The following MICAL3 variants were observed in gnomAD, a reference collection of about 807,000 sequenced individuals.
MICAL3 encodes the protein [F-actin]-monooxygenase MICAL3.
MICAL3 carries 62 observed loss-of-function variants against 207.4 expected under a neutral mutation model. That is an observed-to-expected ratio of 0.30 (90% CI 0.24 to 0.37). The LOEUF (loss-of-function observed/expected upper bound fraction) is 0.37. Among genes scored for constraint, MICAL3 ranks in the 10% least tolerant of loss-of-function variants. The pLI is 1.00. For synonymous variants in MICAL3, 1,077 were observed against 1,069.3 expected (o/e 1.01, Z -0.14); for missense variants, 2,368 against 2,635.6 (o/e 0.90, Z 2.22).
In MICAL3 at chr22:17,789,248, A is replaced by C. The variant is rs1418176385; in HGVS notation, c.*1484T>G. The C allele has an allele frequency of 6.6e-6, 1 of 152,288 alleles. No individual in the cohort carries two copies. Among genetic ancestry groups the C allele is most frequent in the Non-Finnish European group, 1.5e-5 (1 of 68,064 alleles). The allele number at this position is 152,288 out of a possible 1,614,324, so 9.4% of individuals were successfully genotyped here. On this transcript the variant is annotated 3_prime_UTR_variant, in exon 32 of 32. Transcript: ENST00000441493. The stretch of plus-strand genomic sequence containing the variant: ...CAGCCTGCATCCCAGCATCCACTGC[A>C]GCACTCGCGTTTCCGTCTGGGTGAA...
In MICAL3 at chr22:17,985,969, G is replaced by A. The variant is rs150776131; in HGVS notation, c.-75+38312C>T. ...TCGCCCAGGGTGGAGTGCAGTGGCA[G>A]CAATCTCGGCTCACTGAAACCTCCG... On this transcript the variant is annotated intron_variant, in intron 1 of 31. Coordinates refer to ENST00000441493, the MANE Select transcript of MICAL3 (RefSeq NM_015241.3). Among the ~76,000 whole-genome samples, 1,020 of 152,230 alleles carry A rather than the reference G, an allele frequency of 6.7e-3. 7 individuals are homozygous for A. The highest frequency in any genetic ancestry group is 0.024 in the African/African-American group (982 of 41,562).
chr22:17,947,510 C>T lies in MICAL3; in HGVS notation c.-74-40624G>A, dbSNP rs544021173. Among the ~76,000 whole-genome samples, 11 of 152,254 alleles carry T rather than the reference C, an allele frequency of 7.2e-5. No individual in the cohort carries two copies. The South Asian group carries it at 2.3e-3, about 32-fold the overall frequency. The stretch of plus-strand genomic sequence containing the variant: ...TCTGCTCATTCTGGTTTTGCATCAA[C>T]CTATCATTGTAAAATCAAAGTATGA... On this transcript the variant is annotated intron_variant, in intron 1 of 31. Coordinates refer to ENST00000441493, the MANE Select transcript of MICAL3 (RefSeq NM_015241.3).
chr22:17,817,192 C>T (rs933857405), intron 26 of MICAL3, 119 bp downstream of exon 26: 29 of 1,273,120 alleles, frequency 2.3e-5, no homozygotes, highest in East Asian at 5.1e-5. Context: ...CAGGTCAGCA[C>T]GGCTCCTGAG....
chr22:17,901,901 T>C lies in MICAL3; in HGVS notation c.668A>G (p.Asp223Gly), dbSNP rs1931350526. 6.2e-7 allele frequency: 1 copy of C among 1,613,464 alleles called. No homozygotes were observed. The highest frequency in any genetic ancestry group is 1.1e-5 in the South Asian group (1 of 91,060). ...ACCTTCCAAGGTGTTCCTCCGACCA[T>C]CCCCACCGATGATCACTTCAAATTC... ...EYEFEVIIGG[D>G]GRRNTLEGFR... The change falls in exon 5 of 32, where the codon GAT becomes GGT. Residue 223 changes from aspartate (D) to glycine (G), a missense_variant. Transcript: ENST00000441493.
intron 19 of MICAL3, among the ~76,000 whole-genome samples, chr22:17,854,430 G>A (rs577146103): frequency 2.0e-4 from 30 of 152,290 alleles, no homozygotes; most frequent in Non-Finnish European, 2.8e-4. Context: ...AAGGTCTGAC[G>A]TGGTAAGCTC....
At chr22:18,018,273 TG>T (rs1188809817) in intron 1 of MICAL3, among the ~76,000 whole-genome samples, 1 of 152,264 alleles carries the variant, frequency 6.6e-6, no homozygotes, top group Non-Finnish European at 1.5e-5. Context: ...TCTATTTTTT[TG>T]CTAGCTCTTG....
intron 16 of MICAL3, among the ~76,000 whole-genome samples, chr22:17,880,379 G>A (rs969482851): frequency 3.3e-5 from 5 of 152,342 alleles, no homozygotes; most frequent in East Asian, 1.9e-4. Context: ...AGGCGACAGC[G>A]GACGCTGAGG....
At position 17,894,751 on chromosome 22, in the gene MICAL3, C is replaced by T. The variant is rs542582010; in HGVS notation, c.1449+533G>A. 8.9e-5 allele frequency among the ~76,000 whole-genome samples: 13 copies of T among 146,666 alleles called. No individual in the cohort carries two copies. The East Asian group carries it at 1.6e-3, about 18-fold the overall frequency. On this transcript the variant is annotated intron_variant, in intron 10 of 31. Coordinates refer to ENST00000441493, the MANE Select transcript of MICAL3 (RefSeq NM_015241.3). Reference sequence around the variant, plus strand: ...AGTGGAGGCTGCAGTGAGCCAAGATCGTGCCACCACACTCCAGCCTGGGTG... The same window carrying T: ...AGTGGAGGCTGCAGTGAGCCAAGATTGTGCCACCACACTCCAGCCTGGGTG...
chr22:17,980,049 G>C (rs1935838408), intron 1 of MICAL3, among the ~76,000 whole-genome samples: 1 of 152,120 alleles, frequency 6.6e-6, no homozygotes, highest in Non-Finnish European at 1.5e-5. Flanking sequence ...GACTGGTCTG[G>C]AACTGCTGGG....
chr22:17,938,249 T>G (rs1933639065), intron 1 of MICAL3, among the ~76,000 whole-genome samples: 1 of 152,168 alleles, frequency 6.6e-6, no homozygotes, highest in South Asian at 2.1e-4. Flanking sequence ...CGCCTCACTT[T>G]AAAGCCGTAA....
At chr22:17,995,831 G>A (rs1008678685) in intron 1 of MICAL3, among the ~76,000 whole-genome samples, 1 of 151,762 alleles carries the variant, frequency 6.6e-6, no homozygotes, top group African/African-American at 2.4e-5. Flanking sequence ...TAAAACTGCG[G>A]CAATCATCTC....
intron 22 of MICAL3, among the ~76,000 whole-genome samples, chr22:17,823,843 C>T (rs1027966234): frequency 2.0e-5 from 3 of 152,162 alleles, no homozygotes; most frequent in African/African-American, 4.8e-5. Context: ...TTAGAGGGAC[C>T]GTTTCTTTAG....
chr22:17,962,913 T>G (rs1934975811), intron 1 of MICAL3, among the ~76,000 whole-genome samples: 1 of 152,124 alleles, frequency 6.6e-6, no homozygotes, highest in African/African-American at 2.4e-5. Context: ...CATGCCCAGC[T>G]AAATTTTTTT....
intron 1 of MICAL3, among the ~76,000 whole-genome samples, chr22:17,957,923 G>T (rs1421717220): frequency 6.6e-6 from 1 of 152,156 alleles, no homozygotes; most frequent in Non-Finnish European, 1.5e-5. Context: ...AGTTTCTTAA[G>T]CGGCAAGCCC....
intron 1 of MICAL3, among the ~76,000 whole-genome samples, chr22:17,928,844 G>T (rs958287071): frequency 1.3e-5 from 2 of 152,196 alleles, no homozygotes; most frequent in Non-Finnish European, 2.9e-5. Flanking sequence ...ACCCAGGCTG[G>T]AGTGCAGTGT....
At chr22:17,821,941 T>C in intron 24 of MICAL3, 89 bp downstream of exon 24, 2 of 1,522,382 alleles carry the variant, frequency 1.3e-6, no homozygotes, top group Non-Finnish European at 1.8e-6. Context: ...GGCTCTGCTC[T>C]GAAGCGCCTG....
In MICAL3 at chr22:17,871,829, T is replaced by C; in HGVS notation, c.2428+8A>G. The C allele has an allele frequency of 2.5e-6, 4 of 1,594,544 alleles. No homozygotes were observed. Among genetic ancestry groups the C allele is most frequent in the Non-Finnish European group, 3.4e-6 (4 of 1,170,158 alleles). On this transcript the variant is annotated splice_region_variant and intron_variant, in intron 17 of 31. Coordinates refer to ENST00000441493, the MANE Select transcript of MICAL3 (RefSeq NM_015241.3). ...TCTCAGTGGGGCCGGAGGCGCAGGG[T>C]GTCTCACCATCCTCGATGTCGTAGG... is the stretch of plus-strand genomic sequence containing the variant.
intron 20 of MICAL3, among the ~76,000 whole-genome samples, chr22:17,832,595 C>A (rs773457366): frequency 1.3e-5 from 2 of 152,198 alleles, no homozygotes; most frequent in Non-Finnish European, 2.9e-5. Flanking sequence ...ACAAGCAGGG[C>A]AGTGGACTCA....
chr22:17,791,443 T>C (rs1175536634), intron 29 of MICAL3, 142 bp from the exon 30 acceptor site: 2 of 728,066 alleles, frequency 2.7e-6, no homozygotes, highest in Non-Finnish European at 4.7e-6. Flanking sequence ...AAGGTTTGCC[T>C]GCAGCCATGG....
Sources: allele counts gnomAD v4.1 joint callset (sites outside exome capture counted in the v4.1 genomes callset), GRCh38; gene constraint gnomAD v4.1.1; transcripts MANE v1.5; gene names NCBI Gene and HGNC (gene_info 2026-07-23, HGNC 2026-07-21).